POLR3C: variants seen among roughly 807,000 people sequenced by gnomAD.
POLR3C encodes DNA-directed RNA polymerase III subunit RPC3.
In POLR3C, 44 loss-of-function variants were observed where a neutral mutation model predicts 65.9. The ratio of observed to expected loss-of-function variants is 0.67; its 90% confidence interval spans 0.52 to 0.86. The LOEUF is 0.86. POLR3C is among the 40% of genes least tolerant of loss of function. The pLI is 0.00. For synonymous variants in POLR3C, 263 were observed against 231.6 expected, an observed-to-expected ratio of 1.14 and a Z score of -1.23; for missense variants, 576 against 653.2, an observed-to-expected ratio of 0.88 and a Z score of 1.29.
At position 145,826,716 on chromosome 1, in the gene POLR3C, A is replaced by G. The variant is rs1553725878; in HGVS notation, c.403+7A>G. On this transcript the variant is annotated splice_region_variant and intron_variant, in intron 3 of 14. Coordinates refer to ENST00000334163, the MANE Select transcript of POLR3C (RefSeq NM_006468.8). ...CTCACAGAGACCATGGAGGGTCAGT[A>G]TGGTATCCATAGCTGTTAACAAAAG... 6.2e-7 allele frequency: 1 copy of G among 1,614,062 alleles called. No homozygotes were observed. The highest frequency in any genetic ancestry group is 8.5e-7 in the Non-Finnish European group (1 of 1,179,950).
intron 5 of POLR3C, among the ~76,000 whole-genome samples, chr1:145,831,533 A>G (rs1241335135): frequency 1.4e-5 from 2 of 147,446 alleles, no homozygotes; most frequent in Non-Finnish European, 3.0e-5. Flanking sequence ...AAAAAAAAAG[A>G]GAGAGTTCTA....
chr1:145,842,558 A>G lies in POLR3C; in HGVS notation c.*138A>G. ...CCCTCTCTATCCCCTGCAGCCCAGG[A>G]TACACCTGAAAGAATTTGGCATATT... On this transcript the variant is annotated 3_prime_UTR_variant, in exon 15 of 15. Transcript: ENST00000334163. 4.3e-6 allele frequency: 3 copies of G among 693,490 alleles called. No individual in the cohort carries two copies. Among genetic ancestry groups the G allele is most frequent in the Non-Finnish European group, 7.8e-6 (3 of 384,004 alleles). The allele number at this position is 693,490 out of a possible 1,614,324, so 43.0% of individuals were successfully genotyped here.
chr1:145,824,550 C>T, intron 1 of POLR3C, 181 bp downstream of exon 1: 5 of 1,288,066 alleles, frequency 3.9e-6, no homozygotes, highest in Non-Finnish European at 5.1e-6. Flanking sequence ...CGAAATAGGT[C>T]TCTGGTGATA....
intron 5 of POLR3C, among the ~76,000 whole-genome samples, chr1:145,830,069 G>A (rs1651167933): frequency 6.6e-6 from 1 of 152,160 alleles, no homozygotes; most frequent in South Asian, 2.1e-4. Flanking sequence ...GATTATTATA[G>A]CACAGCAGTT....
At chr1:145,840,829 A>G in intron 13 of POLR3C, 93 bp from the exon 14 acceptor site, 1 of 827,598 alleles carries the variant, frequency 1.2e-6, no homozygotes, top group South Asian at 1.9e-5. Flanking sequence ...GATCAGGAAA[A>G]TGGTAAAGGG....
At chr1:145,838,476 G>A (rs1355757614) in intron 11 of POLR3C, among the ~76,000 whole-genome samples, 87 of 151,966 alleles carry the variant, frequency 5.7e-4, no homozygotes, top group Non-Finnish European at 1.8e-4. Context: ...GAGGTCAGGA[G>A]TTCGAGACCA....
chr1:145,837,594 G>C lies in POLR3C; in HGVS notation c.1068G>C (p.Glu356Asp). 6.2e-7 allele frequency: 1 copy of C among 1,602,256 alleles called. No homozygotes were observed. The highest frequency in any genetic ancestry group is 8.5e-7 in the Non-Finnish European group (1 of 1,170,128). The stretch of plus-strand genomic sequence containing the variant: ...CCACTCTGGAGTCCGTCGTACAGGA[G>C]AGGTAAGGGGGACACTGGTTGGGTT... ...ATATLESVVQ[E>D]RFGSRCARIF... Residue 356 changes from glutamate to aspartate, a missense_variant and splice_region_variant, in exon 10 of 15, where the codon GAG becomes GAC. Glu to Asp is a conservative substitution (Grantham distance 45, BLOSUM62 2). Coordinates refer to ENST00000334163, the MANE Select transcript of POLR3C (RefSeq NM_006468.8).
At chr1:145,838,511 G>A (rs782680493) in intron 11 of POLR3C, among the ~76,000 whole-genome samples, 9 of 151,928 alleles carry the variant, frequency 5.9e-5, no homozygotes, top group Admixed American at 1.3e-4. Flanking sequence ...GTGAAACTCC[G>A]TCTCTAATAA....
chr1:145,833,713 A>G lies in POLR3C; in HGVS notation c.876+131A>G, dbSNP rs1243980552. ...GAAGGGCATTTGATGTGGAGCAGGG[A>G]TTATCTTCAAGTGATGAGCACTGAA... On this transcript the variant is annotated intron_variant, in intron 7 of 14. Transcript: ENST00000334163. 7.4e-6 allele frequency: 5 copies of G among 673,282 alleles called. No individual in the cohort carries two copies. In the East Asian group the frequency reaches 1.3e-4, roughly 17 times the overall value. The allele number at this position is 673,282 out of a possible 1,614,324, so 41.7% of individuals were successfully genotyped here.
rs138478701 is a variant in POLR3C at position 145,843,821 on chromosome 1, C to T, written c.*1401C>T. On this transcript the variant is annotated 3_prime_UTR_variant, in exon 15 of 15. Coordinates refer to ENST00000334163, the MANE Select transcript of POLR3C (RefSeq NM_006468.8). ...TCGTAACCAGAATATATAAGGAGCT[C>T]AAACAATAGCAAAAAGAACAATCCA... 4.9e-3 allele frequency among the ~76,000 whole-genome samples: 750 copies of T among 152,188 alleles called. 3 individuals carry two copies. Among genetic ancestry groups the T allele is most frequent in the African/African-American group, 0.017 (722 of 41,520 alleles).
rs1032690043 is a variant in POLR3C, at chr1:145,835,752, T to G, written c.877-742T>G. Among the ~76,000 whole-genome samples, 3 of 152,106 alleles carry G rather than the reference T, an allele frequency of 2.0e-5. No homozygotes were observed. The East Asian group carries it at 5.8e-4, about 30-fold the overall frequency. On this transcript the variant is annotated intron_variant, in intron 7 of 14. Transcript: ENST00000334163. ...CCACGCCAGGCTAATTTTTGTATTTTTAGTAGAGACAGGGTTTCACTGTGT... is the reference window on the plus strand; with the variant it reads ...CCACGCCAGGCTAATTTTTGTATTTGTAGTAGAGACAGGGTTTCACTGTGT...
chr1:145,838,959 G>A (rs1023006410), intron 11 of POLR3C, among the ~76,000 whole-genome samples: 5 of 152,132 alleles, frequency 3.3e-5, no homozygotes, highest in African/African-American at 9.7e-5. Context: ...ATAAAACAGT[G>A]ATGGATGGTG....
chr1:145,838,025 C>A, intron 10 of POLR3C, 31 bp from the exon 11 acceptor site: 1 of 1,608,548 alleles, frequency 6.2e-7, no homozygotes, highest in Non-Finnish European at 8.5e-7. Flanking sequence ...TCTATGTTAG[C>A]ATGCCATTTG....
At position 145,837,613 on chromosome 1, in the gene POLR3C, T is replaced by C; in HGVS notation, c.1070+17T>C. 1.3e-6 allele frequency: 2 copies of C among 1,574,270 alleles called. No individual in the cohort carries two copies. The highest frequency in any genetic ancestry group is 1.7e-6 in the Non-Finnish European group (2 of 1,144,926). The stretch of plus-strand genomic sequence containing the variant: ...ACAGGAGAGGTAAGGGGGACACTGG[T>C]TGGGTTTGGGATCACATACTTCCTA... On this transcript the variant is annotated intron_variant, in intron 10 of 14. Coordinates refer to ENST00000334163, the MANE Select transcript of POLR3C (RefSeq NM_006468.8).
chr1:145,832,645 G>A (rs1190293663), intron 5 of POLR3C, among the ~76,000 whole-genome samples: 2 of 152,174 alleles, frequency 1.3e-5, no homozygotes, highest in African/African-American at 4.8e-5. Context: ...TTTTCTCTGT[G>A]AAATGAGAGG....
chr1:145,843,981 C>T lies in POLR3C; in HGVS notation c.*1561C>T, dbSNP rs1652478276. ...TCAAAATCAATGAGATAACATCTCA[C>T]CCCAATTCATTACTTTTATCAAGAA... On this transcript the variant is annotated 3_prime_UTR_variant, in exon 15 of 15. Coordinates refer to ENST00000334163, the MANE Select transcript of POLR3C (RefSeq NM_006468.8). Among the ~76,000 whole-genome samples, 1 of 152,142 alleles carries T rather than the reference C, an allele frequency of 6.6e-6. No homozygotes were observed. The highest frequency in any genetic ancestry group is 1.5e-5 in the Non-Finnish European group (1 of 68,030).
intron 4 of POLR3C, among the ~76,000 whole-genome samples, chr1:145,827,293 T>TC (rs1650847556): frequency 6.6e-6 from 1 of 151,970 alleles, no homozygotes; most frequent in African/African-American, 2.4e-5. Flanking sequence ...AATCAGAAAA[T>TC]CACATCAGTA....
rs782428528 is a variant in POLR3C at position 145,837,536 on chromosome 1, A to T, written c.1010A>T (p.Asn337Ile). The part of the protein sequence containing the change: ...GDSGGGMYVI[N>I]LHKALASLAT... ...AGTGACCTTAATTCTCTACATAAAGACCTCCATAAGGCATTAGCATCCCTA... is the reference window on the plus strand; with the variant it reads ...AGTGACCTTAATTCTCTACATAAAGTCCTCCATAAGGCATTAGCATCCCTA... Residue 337 changes from asparagine (N) to isoleucine (I), a missense_variant and splice_region_variant, in exon 10 of 15, where the codon AAC (asparagine) becomes ATC (isoleucine). Transcript: ENST00000334163. 1.3e-6 allele frequency: 2 copies of T among 1,575,814 alleles called. No homozygotes were observed. The highest frequency in any genetic ancestry group is 2.7e-5 in the African/African-American group (2 of 73,394).
At chr1:145,836,243 C>T (rs1559149531) in intron 7 of POLR3C, among the ~76,000 whole-genome samples, 1 of 152,084 alleles carries the variant, frequency 6.6e-6, no homozygotes, top group Non-Finnish European at 1.5e-5. Context: ...GCCTCAGCCT[C>T]CCAAATAGCT....
Sources: allele counts gnomAD v4.1 joint callset (sites outside exome capture counted in the v4.1 genomes callset), GRCh38; gene constraint gnomAD v4.1.1; transcripts MANE v1.5; gene names NCBI Gene and HGNC (gene_info 2026-07-23, HGNC 2026-07-21).